SGCZ: variants seen among roughly 807,000 people sequenced by gnomAD.
SGCZ encodes the protein sarcoglycan zeta.
In SGCZ, 40 loss-of-function variants were observed where a neutral mutation model predicts 41.3. The observed-to-expected ratio is 0.97, with a 90% CI of 0.75 to 1.26. The LOEUF (loss-of-function observed/expected upper bound fraction) is 1.26. Ranked by LOEUF, SGCZ falls within the 50% of genes most tolerant of loss-of-function variation. SGCZ has a pLI of 0.00. For missense variants in SGCZ, 552 were observed against 369.8 expected (o/e 1.49, Z -4.04); for synonymous variants, 206 against 137.5 (o/e 1.50, Z -3.49).
At chr8:14,722,893 T>C (rs1478115078) in intron 1 of SGCZ, among the ~76,000 whole-genome samples, 1 of 152,104 alleles carries the variant, frequency 6.6e-6, no homozygotes, top group Non-Finnish European at 1.5e-5. Context: ...GCGTTCCATT[T>C]CAACAACAGT....
At chr8:14,138,187 A>C (rs1803259812) in intron 5 of SGCZ, among the ~76,000 whole-genome samples, 1 of 152,224 alleles carries the variant, frequency 6.6e-6, no homozygotes, top group Non-Finnish European at 1.5e-5. Context: ...GAAGCACTCA[A>C]CATGGAAAGG....
intron 2 of SGCZ, among the ~76,000 whole-genome samples, chr8:14,467,906 T>A (rs192147778): frequency 6.6e-6 from 1 of 152,206 alleles, no homozygotes; most frequent in African/African-American, 2.4e-5. Context: ...GATTATGTAA[T>A]TCCCTTTTCT....
intron 1 of SGCZ, among the ~76,000 whole-genome samples, chr8:14,992,535 T>G (rs897774393): frequency 1.4e-5 from 2 of 143,642 alleles, no homozygotes; most frequent in African/African-American, 5.3e-5. Flanking sequence ...ACTATTCAAC[T>G]CCAAAACTAA....
At chr8:14,945,382 T>C (rs1256047213) in intron 1 of SGCZ, among the ~76,000 whole-genome samples, 1 of 152,120 alleles carries the variant, frequency 6.6e-6, no homozygotes, top group East Asian at 1.9e-4. Context: ...TGGTAGATAC[T>C]CAATTATAAC....
intron 2 of SGCZ, among the ~76,000 whole-genome samples, chr8:14,336,657 C>T (rs527975462): frequency 1.2e-3 from 181 of 152,134 alleles, no homozygotes; most frequent in South Asian, 3.9e-3. Context: ...TGATATCTCA[C>T]GGTGGTTTAC....
intron 4 of SGCZ, among the ~76,000 whole-genome samples, chr8:14,190,379 G>GTATATA (rs764187186): frequency 1.3e-5 from 2 of 150,618 alleles, no homozygotes; most frequent in African/African-American, 2.4e-5. Flanking sequence ...GTGTGTGTGT[G>GTATATA]TGTATATATA....
chr8:14,504,065 A>G (rs1017989119), intron 2 of SGCZ, among the ~76,000 whole-genome samples: 2 of 152,034 alleles, frequency 1.3e-5, no homozygotes, highest in African/African-American at 2.4e-5. Flanking sequence ...TTTTCCAAAG[A>G]GTTCTTCCCT....
At chr8:15,180,777 CT>C (rs35675705) in intron 1 of SGCZ, among the ~76,000 whole-genome samples, 61,794 of 151,466 alleles carry the variant, frequency 0.41, 14,223 homozygotes, top group Non-Finnish European at 0.5. Context: ...GCCCCAGCTA[CT>C]CAGGAGGCTG....
At chr8:14,647,465 G>C (rs1341731973) in intron 1 of SGCZ, among the ~76,000 whole-genome samples, 1 of 151,980 alleles carries the variant, frequency 6.6e-6, no homozygotes, top group African/African-American at 2.4e-5. Flanking sequence ...ATTTCTAGCT[G>C]TCTAACAAAT....
chr8:14,199,830 T>G (rs2117067053), intron 4 of SGCZ, among the ~76,000 whole-genome samples: 1 of 152,186 alleles, frequency 6.6e-6, no homozygotes, highest in Non-Finnish European at 1.5e-5. Context: ...CGACTGACAA[T>G]GAAAAAAATG....
chr8:14,190,048 T>G (rs971207487), intron 4 of SGCZ, among the ~76,000 whole-genome samples: 3 of 146,726 alleles, frequency 2.0e-5, no homozygotes, highest in African/African-American at 7.6e-5. Flanking sequence ...ACTCTTGCTC[T>G]GTCACCCAGG....
chr8:14,445,892 T>A (rs1800418253), intron 2 of SGCZ, among the ~76,000 whole-genome samples: 1 of 152,130 alleles, frequency 6.6e-6, no homozygotes, highest in Non-Finnish European at 1.5e-5. Context: ...CTGCACTCAC[T>A]AACTCATGCC....
chr8:14,798,245 T>C (rs1484229553), intron 1 of SGCZ, among the ~76,000 whole-genome samples: 1 of 152,156 alleles, frequency 6.6e-6, no homozygotes, highest in Non-Finnish European at 1.5e-5. Context: ...ATGAGGAAAG[T>C]ATAGAAATCA....
At chr8:14,189,859 T>C (rs901955330) in intron 4 of SGCZ, among the ~76,000 whole-genome samples, 3 of 152,196 alleles carry the variant, frequency 2.0e-5, no homozygotes, top group Non-Finnish European at 2.9e-5. Flanking sequence ...TCTCTGCATC[T>C]TCAGTGATTA....
chr8:14,691,499 T>C (rs553934826), intron 1 of SGCZ, among the ~76,000 whole-genome samples: 46 of 152,046 alleles, frequency 3.0e-4, no homozygotes, highest in Non-Finnish European at 3.4e-4. Flanking sequence ...ACCTAATTTA[T>C]ATGATTGTAA....
intron 2 of SGCZ, among the ~76,000 whole-genome samples, chr8:14,488,886 A>G (rs1459617532): frequency 6.6e-6 from 1 of 152,146 alleles, no homozygotes; most frequent in East Asian, 1.9e-4. Flanking sequence ...ACATTTAACT[A>G]AAGATTAATT....
intron 1 of SGCZ, among the ~76,000 whole-genome samples, chr8:14,777,858 G>A (rs1447213108): frequency 6.9e-6 from 1 of 145,642 alleles, no homozygotes; most frequent in Non-Finnish European, 1.5e-5. Flanking sequence ...GAAGTTATTT[G>A]TACATATCTT....
chr8:14,297,822 G>A (rs1801064165), intron 3 of SGCZ, among the ~76,000 whole-genome samples: 1 of 151,770 alleles, frequency 6.6e-6, no homozygotes, highest in Non-Finnish European at 1.5e-5. Flanking sequence ...CGCTTTGTTG[G>A]GAAACTATTT....
chr8:14,677,800 A>ATAAT (rs1263330315), intron 1 of SGCZ, among the ~76,000 whole-genome samples: 2 of 152,124 alleles, frequency 1.3e-5, no homozygotes, highest in Admixed American at 1.3e-4. Context: ...AAATAAATAA[A>ATAAT]TAAGTAAACT....
Sources: allele counts gnomAD v4.1 joint callset (sites outside exome capture counted in the v4.1 genomes callset), GRCh38; gene constraint gnomAD v4.1.1; transcripts MANE v1.5; gene names NCBI Gene and HGNC (gene_info 2026-07-23, HGNC 2026-07-21).